GREB1L: variants seen among roughly 807,000 people sequenced by gnomAD.
GREB1L encodes GREB1 like retinoic acid receptor coactivator.
In GREB1L, 17 loss-of-function variants were observed where a neutral mutation model predicts 200.8. The ratio of observed to expected loss-of-function variants is 0.08; its 90% CI spans 0.06 to 0.13. The LOEUF is 0.13. Among genes scored for constraint, GREB1L ranks in the 10% least tolerant of loss-of-function variants. The probability of loss-of-function intolerance (pLI) is 1.00; values close to 1 mark genes in which losing one functional copy is unlikely to be tolerated. For synonymous variants in GREB1L, 789 were observed against 893.0 expected, an observed-to-expected ratio of 0.88 and a Z score of 2.08; for missense variants, 1,657 against 2,367.7, an observed-to-expected ratio of 0.70 and a Z score of 6.23.
In GREB1L at chr18:21,490,360, T is replaced by C. The variant is rs756835013; in HGVS notation, c.3030+9T>C. The C allele has an allele frequency of 1.5e-5, 23 of 1,543,172 alleles. No homozygotes were observed. Among genetic ancestry groups the C allele is most frequent in the East Asian group, 2.5e-5 (1 of 40,760 alleles). ...TTGTGGCGCGATTAAAGGTTAGCAA[T>C]GGACAGACATTTCTCCTTTAAAATA... On this transcript the variant is annotated intron_variant, in intron 19 of 32. Coordinates refer to ENST00000424526, the MANE Select transcript of GREB1L (RefSeq NM_001142966.3).
chr18:21,325,813 CAAAAAAA>C (rs60239796), intron 1 of GREB1L, among the ~76,000 whole-genome samples: 8 of 41,658 alleles, frequency 1.9e-4, no homozygotes, highest in Non-Finnish European at 4.4e-4. Context: ...GACCTTGTCT[CAAAAAAA>C]AAAAAAAAAA....
At chr18:21,470,394 C>T (rs1191688095) in intron 15 of GREB1L, among the ~76,000 whole-genome samples, 1 of 152,028 alleles carries the variant, frequency 6.6e-6, no homozygotes, top group East Asian at 1.9e-4. Context: ...CTATTTAGAT[C>T]ATTTTTAACA....
Position 21,490,225 on chromosome 18 carries a change from G to C in GREB1L, c.2904G>C (p.Ala968=). 6.4e-7 allele frequency: 1 copy of C among 1,551,826 alleles called. No homozygotes were observed. Among genetic ancestry groups the C allele is most frequent in the Non-Finnish European group, 8.7e-7 (1 of 1,147,038 alleles). The stretch of plus-strand genomic sequence containing the variant: ...TCAGGGTGCCCTCGGTGCAGCTGGC[G>C]ATGTTAGCCAAGGAGCGGCTACAGG... ...LIIRVPSVQL[A]MLAKERLQEV... Residue 968 remains alanine, a synonymous_variant, in exon 19 of 33, where the codon GCG becomes GCC. Transcript: ENST00000424526.
rs572934351 is a variant in GREB1L at position 21,324,923 on chromosome 18, T to C, written c.-119-41104T>C. Among the ~76,000 whole-genome samples, 5 of 152,378 alleles carry C rather than the reference T, an allele frequency of 3.3e-5. No homozygotes were observed. The South Asian group carries it at 1.0e-3, about 32-fold the overall frequency. On this transcript the variant is annotated intron_variant, in intron 1 of 32. Transcript: ENST00000424526. The stretch of plus-strand genomic sequence containing the variant: ...TGCTGCATATGAGGACTCCTTCTGG[T>C]CCTGGAGTCACAGTCCTCAGAAGCA...
intron 19 of GREB1L, among the ~76,000 whole-genome samples, chr18:21,492,932 C>T (rs2036398400): frequency 6.6e-6 from 1 of 152,198 alleles, no homozygotes; most frequent in Non-Finnish European, 1.5e-5. Context: ...GCCTGTGCAA[C>T]AGAGTGAGAC....
intron 16 of GREB1L, among the ~76,000 whole-genome samples, chr18:21,475,564 G>A (rs954053227): frequency 2.6e-5 from 4 of 151,926 alleles, no homozygotes; most frequent in Non-Finnish European, 5.9e-5. Flanking sequence ...CAACATCTTG[G>A]CCAGGCCAGC....
chr18:21,276,455 A>G (rs2038165911), intron 1 of GREB1L, among the ~76,000 whole-genome samples: 1 of 152,162 alleles, frequency 6.6e-6, no homozygotes, highest in African/African-American at 2.4e-5. Context: ...GAAATCTTAC[A>G]TGATTCCAAA....
intron 1 of GREB1L, among the ~76,000 whole-genome samples, chr18:21,355,875 TATAA>T (rs1332764900): frequency 2.6e-5 from 4 of 152,198 alleles, no homozygotes; most frequent in South Asian, 2.1e-4. Flanking sequence ...CTTGTGAACT[TATAA>T]ATGTTTTTGT....
intron 1 of GREB1L, among the ~76,000 whole-genome samples, chr18:21,281,591 A>G (rs2038270662): frequency 6.6e-6 from 1 of 152,236 alleles, no homozygotes; most frequent in Non-Finnish European, 1.5e-5. Context: ...ATTTTTCAAA[A>G]TGTTAATTAA....
chr18:21,359,881 T>C (rs886827657), intron 1 of GREB1L, among the ~76,000 whole-genome samples: 4 of 152,210 alleles, frequency 2.6e-5, no homozygotes, highest in African/African-American at 9.6e-5. Flanking sequence ...AGTTTAGATA[T>C]TTGTGTCATC....
chr18:21,277,242 G>C (rs2038184406), intron 1 of GREB1L, among the ~76,000 whole-genome samples: 1 of 152,054 alleles, frequency 6.6e-6, no homozygotes. Context: ...CCAGCCTTTT[G>C]AATACAGGCT....
intron 1 of GREB1L, among the ~76,000 whole-genome samples, chr18:21,342,993 T>G (rs1451621487): frequency 6.6e-6 from 1 of 152,206 alleles, no homozygotes; most frequent in Non-Finnish European, 1.5e-5. Context: ...TTTACCTTCA[T>G]CTGTTTTTGT....
intron 1 of GREB1L, among the ~76,000 whole-genome samples, chr18:21,327,961 G>A (rs534116448): frequency 2.0e-5 from 3 of 152,174 alleles, no homozygotes; most frequent in South Asian, 2.1e-4. Context: ...TGATCCGCCC[G>A]CCTCAGCCTC....
intron 18 of GREB1L, among the ~76,000 whole-genome samples, chr18:21,486,407 C>T (rs1285703972): frequency 1.3e-5 from 2 of 151,790 alleles, no homozygotes; most frequent in Non-Finnish European, 1.5e-5. Flanking sequence ...TCCTACCCTA[C>T]ACCTCAGACT....
intron 1 of GREB1L, among the ~76,000 whole-genome samples, chr18:21,261,639 T>A (rs1459704017): frequency 6.6e-6 from 1 of 152,120 alleles, no homozygotes; most frequent in Non-Finnish European, 1.5e-5. Flanking sequence ...ATGTAAATTT[T>A]GGAAAAGCGA....
chr18:21,481,463 G>GTA lies in GREB1L; in HGVS notation c.2556+4108_2556+4109insAT, dbSNP rs1424385096. 3.2e-4 allele frequency among the ~76,000 whole-genome samples: 45 copies of GTA among 139,542 alleles called. 1 individual carries two copies. Among genetic ancestry groups the GTA allele is most frequent in the African/African-American group, 1.2e-3 (44 of 35,788 alleles). The allele number at this position is 139,542 out of a possible 152,430, so 91.5% of individuals were successfully genotyped here. A position where few individuals can be genotyped will look rare whatever the true frequency, so the allele number is the denominator to read the frequency against. On this transcript the variant is annotated intron_variant, in intron 17 of 32. Transcript: ENST00000424526. Reference sequence around the variant, plus strand: ...TATGTGTGTGTGTGTGTGTGTGTGTGTGTGTGTGTGTGTGTATATATATAT... The same window carrying GTA: ...TATGTGTGTGTGTGTGTGTGTGTGTGTATGTGTGTGTGTGTGTATATATATAT...
chr18:21,360,944 G>A (rs896026892), intron 1 of GREB1L, among the ~76,000 whole-genome samples: 3 of 152,188 alleles, frequency 2.0e-5, no homozygotes, highest in Admixed American at 6.5e-5. Context: ...ATTGGTGAGT[G>A]TATGTGATGA....
intron 1 of GREB1L, among the ~76,000 whole-genome samples, chr18:21,276,724 A>T (rs1440918012): frequency 6.6e-6 from 1 of 151,974 alleles, no homozygotes; most frequent in Non-Finnish European, 1.5e-5. Flanking sequence ...TTAGCTTATA[A>T]ATTAGTTCAT....
chr18:21,352,251 A>G (rs1177752129), intron 1 of GREB1L, among the ~76,000 whole-genome samples: 1 of 152,174 alleles, frequency 6.6e-6, no homozygotes, highest in East Asian at 1.9e-4. Context: ...TTACTATGCA[A>G]ACATCCATAA....
Sources: gnomAD v4.1 joint callset for allele counts (sites outside exome capture counted in the v4.1 genomes callset) on GRCh38, gnomAD v4.1.1 for gene constraint, MANE v1.5 for transcripts, NCBI Gene and HGNC (gene_info 2026-07-23, HGNC 2026-07-21) for gene names.